The following OCM variants were observed in gnomAD, a reference collection of about 807,000 sequenced individuals.
OCM encodes the protein oncomodulin-1.
In OCM, 18 loss-of-function variants were observed where a neutral mutation model predicts 14.1. That is an observed-to-expected ratio of 1.28 (90% CI 0.88 to 1.89). The LOEUF is 1.89. Ranked by LOEUF, OCM falls within the 40% of genes most tolerant of loss-of-function variation. The pLI is 0.00. For synonymous variants in OCM, 48 were observed against 51.0 expected (o/e 0.94, Z 0.25); for missense variants, 140 against 137.6 (o/e 1.02, Z -0.09).
chr7:5,875,279 A>G (rs1050015533), upstream of OCM, among the ~76,000 whole-genome samples: 9 of 151,640 alleles, frequency 5.9e-5, no homozygotes, highest in Non-Finnish European at 1.3e-4. Context: ...CTGGTCTCGA[A>G]CTCCGGACCT....
the OCM span, among the ~76,000 whole-genome samples, chr7:5,867,157 A>C: frequency 1.3e-5 from 2 of 152,184 alleles, no homozygotes; most frequent in Non-Finnish European, 2.9e-5. Flanking sequence ...TCTTTAAAAA[A>C]AATTCCTCCT....
chr7:5,877,736 C>T (rs528556481), upstream of OCM, among the ~76,000 whole-genome samples: 125 of 135,132 alleles, frequency 9.3e-4, no homozygotes, highest in Middle Eastern at 4.6e-3. Context: ...AGGAGAATTG[C>T]TTGAACCTGG....
chr7:5,876,805 C>CTTT (rs111241085), upstream of OCM, among the ~76,000 whole-genome samples: 1 of 140,402 alleles, frequency 7.1e-6, no homozygotes, highest in African/African-American at 2.6e-5. Flanking sequence ...TTGTCTACTT[C>CTTT]TTTTTTTTTT....
the OCM span, among the ~76,000 whole-genome samples, chr7:5,867,928 G>T: frequency 2.7e-3 from 412 of 151,920 alleles, 1 homozygote; most frequent in African/African-American, 9.4e-3. Flanking sequence ...TGTAGAGATG[G>T]GGTTCCACCA....
At chr7:5,870,488 T>C in the OCM span, among the ~76,000 whole-genome samples, 1 of 152,320 alleles carries the variant, frequency 6.6e-6, no homozygotes, top group East Asian at 1.9e-4. Context: ...ATTCATAATT[T>C]CTTCTCACTG....
chr7:5,869,831 ATCCT>A, the OCM span, among the ~76,000 whole-genome samples: 1 of 152,082 alleles, frequency 6.6e-6, no homozygotes, highest in African/African-American at 2.4e-5. Context: ...TGCCGGGTCC[ATCCT>A]TCCTTCTTGA....
chr7:5,878,625 C>A (rs1210872332), upstream of OCM, among the ~76,000 whole-genome samples: 2 of 151,350 alleles, frequency 1.3e-5, no homozygotes, highest in East Asian at 4.0e-4. Flanking sequence ...CGGGCGCCTG[C>A]AGTCCCAGCT....
chr7:5,879,476 T>G (rs111506898), upstream of OCM, among the ~76,000 whole-genome samples: 2,947 of 152,176 alleles, frequency 0.019, 36 homozygotes, highest in Middle Eastern at 0.051. Flanking sequence ...AGGTCAGCCT[T>G]ACACACCCAT....
At chr7:5,883,742 C>T (rs935416122) in intron 2 of OCM, 148 bp from the exon 3 acceptor site, 6 of 727,558 alleles carry the variant, frequency 8.2e-6, no homozygotes, top group African/African-American at 7.1e-5. Flanking sequence ...TTGGTTTCTA[C>T]AGCTTAAGGA....
At chr7:5,876,908 C>A (rs1046543955), upstream of OCM, among the ~76,000 whole-genome samples, 2 of 151,704 alleles carry the variant, frequency 1.3e-5, no homozygotes, top group African/African-American at 4.8e-5. Flanking sequence ...CCAGTTCAAG[C>A]GATTCTCCTG....
chr7:5,871,328 C>T, the OCM span, among the ~76,000 whole-genome samples: 1 of 149,760 alleles, frequency 6.7e-6, no homozygotes, highest in African/African-American at 2.5e-5. Flanking sequence ...GCACTCAAGC[C>T]TGGGTGACAG....
In OCM at chr7:5,880,901, G is replaced by T. The variant is rs373831481; in HGVS notation, c.12G>T (p.Thr4=). The change falls in exon 1 of 4, where the codon ACG becomes ACT. Residue 4 remains threonine (T), a synonymous_variant. Coordinates refer to ENST00000242104, the MANE Select transcript of OCM (RefSeq NM_001097622.2). ...TGAGTAGGTAGAAAATGAGCATCAC[G>T]GACGTGCTCAGTGCTGACGACATTG... MSI[T]DVLSADDIAA... is the part of the protein sequence containing the mutation. The T allele has an allele frequency of 5.6e-6, 9 of 1,614,004 alleles. No homozygotes were observed. Among genetic ancestry groups the T allele is most frequent in the Non-Finnish European group, 6.8e-6 (8 of 1,179,952 alleles).
rs370061258 is a variant in OCM, at chr7:5,880,954, G to A, written c.61+4G>A. ...GCAGCGCTCCAGGAATGCCGAGGTA[G>A]AGGGGACGTGAGGCGGGGGTGGGAT... On this transcript the variant is annotated splice_donor_region_variant and intron_variant, in intron 1 of 3. Transcript: ENST00000242104. The A allele has an allele frequency of 6.2e-7, 1 of 1,613,108 alleles. No homozygotes were observed. The highest frequency in any genetic ancestry group is 8.5e-7 in the Non-Finnish European group (1 of 1,179,174).
the OCM span, among the ~76,000 whole-genome samples, chr7:5,867,482 T>C: frequency 3.9e-5 from 6 of 152,316 alleles, no homozygotes; most frequent in East Asian, 1.2e-3. Context: ...CTCCTCCTTT[T>C]TCCTCCTCTT....
At chr7:5,885,125 G>GAAAA (rs10641162) in intron 3 of OCM, among the ~76,000 whole-genome samples, 2 of 147,726 alleles carry the variant, frequency 1.4e-5, no homozygotes, top group Non-Finnish European at 3.0e-5. Flanking sequence ...TATCTCAAAA[G>GAAAA]AAAAAAAAAA....
chr7:5,879,641 A>G (rs948850579), upstream of OCM, among the ~76,000 whole-genome samples: 38 of 151,702 alleles, frequency 2.5e-4, no homozygotes, highest in African/African-American at 9.0e-4. Context: ...CACTTTGCCA[A>G]CAGGGTTCGT....
chr7:5,867,079 C>T, the OCM span, among the ~76,000 whole-genome samples: 3 of 152,082 alleles, frequency 2.0e-5, no homozygotes, highest in Non-Finnish European at 4.4e-5. Context: ...AGGTGATTTC[C>T]AATTGCTAAG....
the OCM span, among the ~76,000 whole-genome samples, chr7:5,864,886 C>T: frequency 2.0e-5 from 3 of 151,560 alleles, no homozygotes; most frequent in Non-Finnish European, 2.9e-5. Flanking sequence ...TGCAGTGAGC[C>T]GACATCGCAC....
At chr7:5,869,376 T>A in the OCM span, among the ~76,000 whole-genome samples, 2 of 151,962 alleles carry the variant, frequency 1.3e-5, no homozygotes, top group African/African-American at 2.4e-5. Flanking sequence ...GGCAGGTGGA[T>A]CACTTGAGGT....
Sources: allele counts gnomAD v4.1 joint callset (sites outside exome capture counted in the v4.1 genomes callset), GRCh38; gene constraint gnomAD v4.1.1; transcripts MANE v1.5; gene names NCBI Gene and HGNC (gene_info 2026-07-23, HGNC 2026-07-21).